The following ZNF682 variants were observed in gnomAD, a reference collection of about 807,000 sequenced individuals.
ZNF682 encodes zinc finger protein 682.
ZNF682 carries 29 observed loss-of-function variants against 36.5 expected under a neutral mutation model. The ratio of observed to expected loss-of-function variants is 0.80; its 90% CI spans 0.59 to 1.08. The LOEUF is 1.08. Ranked by LOEUF, ZNF682 falls within the 50% of genes least tolerant of loss-of-function variation. ZNF682 has a pLI of 0.00. For synonymous variants in ZNF682, 180 were observed against 197.0 expected (o/e 0.91, Z 0.72); for missense variants, 561 against 579.7 (o/e 0.97, Z 0.33).
chr19:20,009,769 C>T (rs1456691875), intron 3 of ZNF682, among the ~76,000 whole-genome samples: 2 of 152,086 alleles, frequency 1.3e-5, no homozygotes, highest in Admixed American at 6.5e-5. Context: ...GTCTGTAATC[C>T]GAGCTTTTTG....
At chr19:20,021,713 T>G (rs916669351) in intron 3 of ZNF682, among the ~76,000 whole-genome samples, 6 of 152,140 alleles carry the variant, frequency 3.9e-5, no homozygotes. Context: ...TCAACTAATA[T>G]AGTTGAAGAA....
intron 1 of ZNF682, among the ~76,000 whole-genome samples, chr19:20,025,434 T>G (rs958873541): frequency 1.3e-5 from 2 of 152,136 alleles, no homozygotes; most frequent in South Asian, 2.1e-4. Context: ...TCCCAGCACT[T>G]TGGGAGGCCA....
At chr19:20,004,060 G>A (rs79368834), downstream of ZNF682, among the ~76,000 whole-genome samples, 1 of 152,162 alleles carries the variant, frequency 6.6e-6, no homozygotes, top group African/African-American at 2.4e-5. Flanking sequence ...AAGAGTCTAT[G>A]TGTGTCTGGA....
chr19:20,010,795 T>C (rs1463075963), intron 3 of ZNF682, among the ~76,000 whole-genome samples: 1 of 151,452 alleles, frequency 6.6e-6, no homozygotes, highest in African/African-American at 2.4e-5. Flanking sequence ...TGAAACCCTG[T>C]CTCTAATAAA....
chr19:20,031,739 A>G (rs978662357), intron 1 of ZNF682, among the ~76,000 whole-genome samples: 2 of 152,222 alleles, frequency 1.3e-5, no homozygotes, highest in South Asian at 2.1e-4. Flanking sequence ...TCAGGAGATC[A>G]AGACCATCCT....
chr19:20,004,281 G>A (rs2088191030), downstream of ZNF682: 1 of 152,068 alleles, frequency 6.6e-6, no homozygotes, highest in African/African-American at 2.4e-5. Context: ...AGTCACTAAG[G>A]ATAAGAATCA....
chr19:20,026,163 T>C (rs2122370197), intron 1 of ZNF682, among the ~76,000 whole-genome samples: 1 of 151,728 alleles, frequency 6.6e-6, no homozygotes, highest in South Asian at 2.1e-4. Context: ...ATTAGCCAGG[T>C]GTGGTGGTGG....
At chr19:20,011,998 C>T (rs1375330168) in intron 3 of ZNF682, among the ~76,000 whole-genome samples, 1 of 151,736 alleles carries the variant, frequency 6.6e-6, no homozygotes, top group Admixed American at 6.6e-5. Context: ...GATTGCGCCA[C>T]TGCACTCCAG....
At chr19:20,031,712 G>A (rs576827424) in intron 1 of ZNF682, among the ~76,000 whole-genome samples, 5 of 152,298 alleles carry the variant, frequency 3.3e-5, no homozygotes, top group Admixed American at 2.6e-4. Flanking sequence ...GGAGGCCGAG[G>A]TGGGCGGATC....
Position 20,023,086 on chromosome 19 carries a change from A to G in ZNF682, c.144T>C (p.Ser48=). ...RNLVSLGLTV[S]KPELISRLEQ... The stretch of plus-strand genomic sequence containing the variant: ...CCAGACGGCTAATCAGTTCTGGCTT[A>G]GAAACAGTAAGACCTGTTTTATTAG... Residue 48 remains serine (S), a synonymous_variant, in exon 3 of 4, where the codon TCT becomes TCC. Coordinates refer to ENST00000397165, the MANE Select transcript of ZNF682 (RefSeq NM_033196.3). The G allele has an allele frequency of 1.2e-6, 2 of 1,613,838 alleles. No individual in the cohort carries two copies. Among genetic ancestry groups the G allele is most frequent in the Non-Finnish European group, 1.7e-6 (2 of 1,179,764 alleles).
chr19:20,011,516 C>T (rs755559565), intron 3 of ZNF682, among the ~76,000 whole-genome samples: 2 of 152,172 alleles, frequency 1.3e-5, no homozygotes, highest in African/African-American at 4.8e-5. Flanking sequence ...TTCTCATCTG[C>T]GCACAGAATA....
chr19:20,008,529 C>T lies in ZNF682; in HGVS notation c.227-1254G>A, dbSNP rs377011138. On this transcript the variant is annotated intron_variant, in intron 3 of 3. Coordinates refer to ENST00000397165, the MANE Select transcript of ZNF682 (RefSeq NM_033196.3). ...ATTGCCCTGCCTGGTGTTCCATCCTCGAGCCATGGCATCACCAAACGACTC... is the reference window on the plus strand; with the variant it reads ...ATTGCCCTGCCTGGTGTTCCATCCTTGAGCCATGGCATCACCAAACGACTC... Among the ~76,000 whole-genome samples, 8 of 152,292 alleles carry T rather than the reference C, an allele frequency of 5.3e-5. No individual in the cohort carries two copies. The South Asian group carries it at 1.2e-3, about 24-fold the overall frequency.
chr19:20,007,932 G>T, intron 3 of ZNF682: 1 of 152,678 alleles, frequency 6.5e-6, no homozygotes, highest in Non-Finnish European at 1.5e-5. Flanking sequence ...ATGGGACTGA[G>T]GTGAATCTGA....
At chr19:19,996,620 G>C (rs138798663), downstream of ZNF682, among the ~76,000 whole-genome samples, 680 of 152,298 alleles carry the variant, frequency 4.5e-3, 3 homozygotes, top group Non-Finnish European at 7.3e-3. Flanking sequence ...TTATAAGTGG[G>C]AGCTAAGCTA....
intron 1 of ZNF682, among the ~76,000 whole-genome samples, chr19:20,029,042 G>A (rs12985244): frequency 0.44 from 65,908 of 148,620 alleles, 17,435 homozygotes; most frequent in Non-Finnish European, 0.59. Flanking sequence ...GCAGTGGCAC[G>A]ATCTTGGCTC....
Position 20,010,677 on chromosome 19 carries a change from T to A in ZNF682, c.227-3402A>T, listed in dbSNP as rs560061976. 4.0e-5 allele frequency among the ~76,000 whole-genome samples: 6 copies of A among 151,664 alleles called. No homozygotes were observed. The East Asian group carries it at 9.7e-4, about 25-fold the overall frequency. On this transcript the variant is annotated intron_variant, in intron 3 of 3. Transcript: ENST00000397165. ...GTCTCAAAAAATATATTAAAAAATT[T>A]AAAAAACTGGCCAGTGCGGTGGCTC...
At chr19:20,039,220 G>C in intron 1 of ZNF682, 123 bp downstream of exon 1, 2 of 1,478,486 alleles carry the variant, frequency 1.4e-6, no homozygotes, top group East Asian at 2.4e-5. Flanking sequence ...TGTGCCTGCC[G>C]GGGACTCCAG....
rs185999576 is a variant in ZNF682, at chr19:20,023,647, A to G, written c.131-548T>C. On this transcript the variant is annotated intron_variant, in intron 2 of 3. Coordinates refer to ENST00000397165, the MANE Select transcript of ZNF682 (RefSeq NM_033196.3). Reference sequence around the variant, plus strand: ...GAAGTTGGATTTTAAGGTCTGGTCAATAATATTTTATAAAGGAATTTTTAT... The same window carrying G: ...GAAGTTGGATTTTAAGGTCTGGTCAGTAATATTTTATAAAGGAATTTTTAT... Among the ~76,000 whole-genome samples the G allele has an allele frequency of 4.2e-3, 637 of 150,488 alleles. 5 individuals are homozygous for G. The highest frequency in any genetic ancestry group is 0.015 in the African/African-American group (613 of 41,448).
In ZNF682 at chr19:20,006,899, GC is replaced by G. The variant is rs1261852993; in HGVS notation, c.602del (p.Cys201SerfsTer161). ...HKIIHTEEKLCICEECGKTFK... is the reference protein window; with the variant it reads ...HKIIHTEEKLXICEECGKTFK... ...AGGTTTTGCCACATTCCTCACATATGCAGAGTTTCTCTTCAGTGTGAATTAT... is the reference window on the plus strand; with the variant it reads ...AGGTTTTGCCACATTCCTCACATATGAGAGTTTCTCTTCAGTGTGAATTAT... On this transcript the variant is annotated frameshift_variant, in exon 4 of 4. Transcript: ENST00000397165. LOFTEE classifies it high-confidence loss of function. 6.2e-7 allele frequency: 1 copy of G among 1,613,930 alleles called. No homozygotes were observed. Among genetic ancestry groups the G allele is most frequent in the African/African-American group, 1.3e-5 (1 of 74,934 alleles).
Sources: gnomAD v4.1 joint callset for allele counts (sites outside exome capture counted in the v4.1 genomes callset) on GRCh38, gnomAD v4.1.1 for gene constraint, MANE v1.5 for transcripts, NCBI Gene and HGNC (gene_info 2026-07-23, HGNC 2026-07-21) for gene names.